ERC2: variants seen among roughly 807,000 people sequenced by gnomAD.
ERC2 encodes the protein ELKS/RAB6-interacting/CAST family member 2.
ERC2 carries 42 observed loss-of-function variants against 114.8 expected under a neutral mutation model. The ratio of observed to expected loss-of-function variants is 0.37; its 90% CI spans 0.29 to 0.47. The LOEUF (loss-of-function observed/expected upper bound fraction) is 0.47. Among genes scored for constraint, ERC2 ranks in the 20% least tolerant of loss-of-function variants. The pLI, the probability that ERC2 is intolerant of heterozygous loss-of-function variation, is 0.99. For synonymous variants in ERC2, 454 were observed against 425.5 expected (o/e 1.07, Z -0.82); for missense variants, 939 against 1,150.7 (o/e 0.82, Z 2.66).
intron 12 of ERC2, among the ~76,000 whole-genome samples, chr3:55,978,684 C>T (rs1216975850): frequency 3.9e-5 from 6 of 152,182 alleles, no homozygotes; most frequent in African/African-American, 1.4e-4. Context: ...ATATAATTGT[C>T]TCCACTTTAC....
intron 2 of ERC2, among the ~76,000 whole-genome samples, chr3:56,410,346 T>C (rs771281672): frequency 6.6e-6 from 1 of 152,194 alleles, no homozygotes; most frequent in African/African-American, 2.4e-5. Flanking sequence ...GATACATAAA[T>C]ATCAAGCCAT....
At chr3:56,065,205 C>A (rs1038956150) in intron 7 of ERC2, among the ~76,000 whole-genome samples, 3 of 152,086 alleles carry the variant, frequency 2.0e-5, no homozygotes, top group African/African-American at 7.2e-5. Context: ...AAAACATCAT[C>A]AAGACTCCCA....
intron 4 of ERC2, among the ~76,000 whole-genome samples, chr3:56,150,344 A>G (rs1035478852): frequency 7.9e-5 from 12 of 152,284 alleles, no homozygotes; most frequent in African/African-American, 2.9e-4. Flanking sequence ...CCAGTGGTAT[A>G]TCTCCTATGG....
At chr3:55,851,508 C>G (rs1054649937) in intron 14 of ERC2, among the ~76,000 whole-genome samples, 1 of 152,192 alleles carries the variant, frequency 6.6e-6, no homozygotes, top group Non-Finnish European at 1.5e-5. Flanking sequence ...CGTGCCCAAC[C>G]CACAAACTTG....
At chr3:56,002,579 A>T (rs2072159469) in intron 10 of ERC2, among the ~76,000 whole-genome samples, 1 of 152,074 alleles carries the variant, frequency 6.6e-6, no homozygotes, top group African/African-American at 2.4e-5. Context: ...TTATTAGGAG[A>T]CTATATTATG....
At chr3:56,246,858 G>A (rs560505191) in intron 3 of ERC2, among the ~76,000 whole-genome samples, 1 of 152,296 alleles carries the variant, frequency 6.6e-6, no homozygotes, top group East Asian at 1.9e-4. Context: ...TCGCATCTTC[G>A]CAGAAGTCAA....
intron 7 of ERC2, among the ~76,000 whole-genome samples, chr3:56,062,999 C>T (rs2076313005): frequency 6.6e-6 from 1 of 152,168 alleles, no homozygotes; most frequent in South Asian, 2.1e-4. Context: ...TCATAAACAA[C>T]AAGGTTACTC....
intron 17 of ERC2, among the ~76,000 whole-genome samples, chr3:55,652,517 G>T (rs1186231354): frequency 6.6e-6 from 1 of 151,964 alleles, no homozygotes; most frequent in Non-Finnish European, 1.5e-5. Flanking sequence ...TGCTGGGCAG[G>T]TACTTCATGC....
chr3:56,179,896 A>T (rs1379174673), intron 3 of ERC2, among the ~76,000 whole-genome samples: 1 of 152,128 alleles, frequency 6.6e-6, no homozygotes, highest in South Asian at 2.1e-4. Context: ...CAACTTTGGG[A>T]TCAGTGAATA....
intron 3 of ERC2, among the ~76,000 whole-genome samples, chr3:56,272,897 C>G (rs2150299774): frequency 6.6e-6 from 1 of 152,330 alleles, no homozygotes; most frequent in East Asian, 1.9e-4. Flanking sequence ...ACAGCCCTTG[C>G]ATCCAATAAG....
chr3:56,100,828 A>T (rs902710491), intron 6 of ERC2, among the ~76,000 whole-genome samples: 1 of 152,204 alleles, frequency 6.6e-6, no homozygotes, highest in Non-Finnish European at 1.5e-5. Flanking sequence ...GTACAGTAAA[A>T]GCTGTAAAAA....
intron 17 of ERC2, among the ~76,000 whole-genome samples, chr3:55,593,143 G>A (rs2057976254): frequency 6.6e-6 from 1 of 152,188 alleles, no homozygotes; most frequent in Admixed American, 6.5e-5. Context: ...CTTGACTCCT[G>A]ATCCAGCGCT....
intron 6 of ERC2, among the ~76,000 whole-genome samples, chr3:56,082,111 A>G (rs570197428): frequency 6.6e-6 from 1 of 152,228 alleles, no homozygotes; most frequent in African/African-American, 2.4e-5. Flanking sequence ...CTTTGCCACA[A>G]TTATCTTGCT....
intron 17 of ERC2, among the ~76,000 whole-genome samples, chr3:55,566,946 C>T (rs1251888809): frequency 6.6e-6 from 1 of 152,010 alleles, no homozygotes; most frequent in Non-Finnish European, 1.5e-5. Flanking sequence ...AGTGATCTGC[C>T]TGCCTTGGCC....
intron 2 of ERC2, among the ~76,000 whole-genome samples, chr3:56,386,189 G>C (rs757242492): frequency 1.3e-5 from 2 of 152,136 alleles, no homozygotes; most frequent in Non-Finnish European, 2.9e-5. Flanking sequence ...ACACTGCAAA[G>C]CCACAGATCA....
Position 55,683,824 on chromosome 3 carries a change from C to T in ERC2, c.*9G>A, listed in dbSNP as rs530497667. On this transcript the variant is annotated 3_prime_UTR_variant, in exon 17 of 18. Coordinates refer to ENST00000288221, the MANE Select transcript of ERC2 (RefSeq NM_015576.3). Reference sequence around the variant, plus strand: ...AAAACAAAACTGGAACTTTGGTTTACAGGCCCGGCTATGCCCATATGCCCT... The same window carrying T: ...AAAACAAAACTGGAACTTTGGTTTATAGGCCCGGCTATGCCCATATGCCCT... The T allele has an allele frequency of 6.2e-7, 1 of 1,612,580 alleles. No homozygotes were observed. Among genetic ancestry groups the T allele is most frequent in the Non-Finnish European group, 8.5e-7 (1 of 1,179,394 alleles).
intron 15 of ERC2, among the ~76,000 whole-genome samples, chr3:55,728,347 A>G (rs1301021888): frequency 1.3e-5 from 2 of 152,222 alleles, no homozygotes; most frequent in African/African-American, 4.8e-5. Flanking sequence ...TAAAATGGAT[A>G]ATACATGTGC....
At chr3:56,151,751 C>A (rs192761511) in intron 4 of ERC2, among the ~76,000 whole-genome samples, 2 of 152,174 alleles carry the variant, frequency 1.3e-5, no homozygotes, top group African/African-American at 4.8e-5. Flanking sequence ...CATATCAAGT[C>A]CTGATGTGGC....
chr3:55,870,507 T>G (rs1451832863), intron 14 of ERC2, among the ~76,000 whole-genome samples: 1 of 152,214 alleles, frequency 6.6e-6, no homozygotes, highest in East Asian at 1.9e-4. Flanking sequence ...ACCAACTCAT[T>G]TAATGCTCAG....
Sources: allele counts gnomAD v4.1 joint callset (sites outside exome capture counted in the v4.1 genomes callset), GRCh38; gene constraint gnomAD v4.1.1; transcripts MANE v1.5; gene names NCBI Gene and HGNC (gene_info 2026-07-23, HGNC 2026-07-21).